Variants in PLSCR1 observed in about 807,000 individuals in gnomAD.
PLSCR1 encodes the protein phospholipid scramblase 1.
In PLSCR1, 17 loss-of-function variants were observed where a neutral mutation model predicts 37.8. The observed-to-expected ratio is 0.45, with a 90% CI of 0.31 to 0.68. The LOEUF (loss-of-function observed/expected upper bound fraction) is 0.68, where lower values mean the gene tolerates loss of function less well. PLSCR1 is among the 30% of genes least tolerant of loss of function. The pLI is 0.06. For synonymous variants in PLSCR1, 116 were observed against 125.9 expected (o/e 0.92, Z 0.53); for missense variants, 347 against 380.9 (o/e 0.91, Z 0.74).
At chr3:146,519,374 A>G (rs1372609561) in intron 7 of PLSCR1, among the ~76,000 whole-genome samples, 1 of 152,134 alleles carries the variant, frequency 6.6e-6, no homozygotes, top group Non-Finnish European at 1.5e-5. Context: ...CTATATTTTG[A>G]GATTCCTGAA....
chr3:146,544,205 G>A (rs1368357109), intron 1 of PLSCR1, among the ~76,000 whole-genome samples: 1 of 152,204 alleles, frequency 6.6e-6, no homozygotes, highest in Non-Finnish European at 1.5e-5. Context: ...GGGTGAGCCC[G>A]GGTGCCGCTG....
Position 146,515,182 on chromosome 3 carries a change from C to T in PLSCR1, c.*863G>A, listed in dbSNP as rs1351072614. The stretch of plus-strand genomic sequence containing the variant: ...CGTTTAAAAACAAAAATCAAATATA[C>T]AAAAAAATCAAGTTTTTATTTCAAA... On this transcript the variant is annotated 3_prime_UTR_variant, in exon 9 of 9. Coordinates refer to ENST00000342435, the MANE Select transcript of PLSCR1 (RefSeq NM_021105.3). 1 of 151,974 alleles carries T rather than the reference C, an allele frequency of 6.6e-6. No homozygotes were observed. Among genetic ancestry groups the T allele is most frequent in the Non-Finnish European group, 1.5e-5 (1 of 67,980 alleles). The allele number at this position is 151,974 out of a possible 1,614,324, so 9.4% of individuals were successfully genotyped here. A position where few individuals can be genotyped will look rare whatever the true frequency, so the allele number is the denominator to read the frequency against.
intron 5 of PLSCR1, among the ~76,000 whole-genome samples, chr3:146,522,744 A>G (rs1283588765): frequency 6.6e-6 from 1 of 152,174 alleles, no homozygotes; most frequent in African/African-American, 2.4e-5. Flanking sequence ...TTGAGATAAG[A>G]GGAAGGTATC....
chr3:146,516,136 A>C, intron 8 of PLSCR1, 35 bp from the exon 9 acceptor site: 1 of 1,333,342 alleles, frequency 7.5e-7, no homozygotes. Flanking sequence ...ATGAATTTTC[A>C]ACAACAAAAC....
rs1560085911 is a variant in PLSCR1 at position 146,528,821 on chromosome 3, T to A, written c.105A>T (p.Gly35=). ...CCTGGGGCCCAGGGTAGCCACTATA[T>A]CCTGGAGGTCCTGAAATACAAACAA... ...YPPTAFQGPP[G]YSGYPGPQVS... is the part of the protein sequence containing the mutation. The change falls in exon 4 of 9, where the codon GGA becomes GGT. Residue 35 remains glycine (G), a synonymous_variant. Transcript: ENST00000342435. 16 of 1,609,720 alleles carry A rather than the reference T, an allele frequency of 9.9e-6. No individual in the cohort carries two copies. Among genetic ancestry groups the A allele is most frequent in the Non-Finnish European group, 1.4e-5 (16 of 1,178,076 alleles).
At chr3:146,518,719 C>T (rs558058699) in intron 7 of PLSCR1, among the ~76,000 whole-genome samples, 1 of 152,174 alleles carries the variant, frequency 6.6e-6, no homozygotes, top group South Asian at 2.1e-4. Flanking sequence ...GTAGAGAATA[C>T]ATTTTTTATG....
intron 1 of PLSCR1, among the ~76,000 whole-genome samples, chr3:146,542,364 C>T (rs920268775): frequency 5.5e-4 from 83 of 152,150 alleles, no homozygotes; most frequent in African/African-American, 2.0e-3. Context: ...CTCAACACCC[C>T]CAACCCCACC....
At chr3:146,526,991 A>C (rs889723468) in intron 4 of PLSCR1, among the ~76,000 whole-genome samples, 2 of 152,144 alleles carry the variant, frequency 1.3e-5, no homozygotes, top group Non-Finnish European at 2.9e-5. Context: ...TACAAAAATG[A>C]GCTGGGTGTG....
chr3:146,541,558 G>A (rs781395890), intron 1 of PLSCR1, among the ~76,000 whole-genome samples: 1 of 152,112 alleles, frequency 6.6e-6, no homozygotes, highest in Non-Finnish European at 1.5e-5. Context: ...TCTTTGCACC[G>A]ATGTCTCTAA....
chr3:146,532,668 C>A (rs2044215208), intron 3 of PLSCR1, among the ~76,000 whole-genome samples: 3 of 152,170 alleles, frequency 2.0e-5, no homozygotes, highest in Admixed American at 6.5e-5. Context: ...TCCTTCTATC[C>A]AAACCACATT....
rs941815840 is a variant in PLSCR1 at position 146,515,629 on chromosome 3, C to T, written c.*416G>A. On this transcript the variant is annotated 3_prime_UTR_variant, in exon 9 of 9. Coordinates refer to ENST00000342435, the MANE Select transcript of PLSCR1 (RefSeq NM_021105.3). ...AATAGTAAAGAAAATTATCTTTGAG[C>T]TTTTTTGAATATATGGCATTTGCAA... is the stretch of plus-strand genomic sequence containing the variant. 1.3e-5 allele frequency: 2 copies of T among 152,620 alleles called. No homozygotes were observed. Among genetic ancestry groups the T allele is most frequent in the East Asian group, 1.9e-4 (1 of 5,216 alleles). The allele number at this position is 152,620 out of a possible 1,614,324, so 9.5% of individuals were successfully genotyped here.
intron 1 of PLSCR1, among the ~76,000 whole-genome samples, chr3:146,543,198 A>T (rs4434119): frequency 0.14 from 22,016 of 152,074 alleles, 1,754 homozygotes; most frequent in Non-Finnish European, 0.16. Context: ...AGAGGGAGAC[A>T]TTCTTAGAGA....
chr3:146,540,553 T>C (rs1320166095), intron 1 of PLSCR1, among the ~76,000 whole-genome samples: 2 of 152,186 alleles, frequency 1.3e-5, no homozygotes, highest in Non-Finnish European at 2.9e-5. Context: ...AGGGGAAGCA[T>C]ACTTAATTTT....
chr3:146,533,405 AC>A (rs1316246984), intron 3 of PLSCR1, 64 bp downstream of exon 3: 1 of 785,888 alleles, frequency 1.3e-6, no homozygotes, highest in African/African-American at 1.7e-5. Flanking sequence ...TCTCTCTCCC[AC>A]TCTCACTCTC....
chr3:146,522,600 A>C (rs2044041337), intron 5 of PLSCR1, among the ~76,000 whole-genome samples: 1 of 152,194 alleles, frequency 6.6e-6, no homozygotes, highest in Non-Finnish European at 1.5e-5. Context: ...GTATTGTCCA[A>C]GGTTTCTCCC....
In PLSCR1 at chr3:146,522,063, T is replaced by G. The variant is rs750696417; in HGVS notation, c.356-10A>C. 7.1e-7 allele frequency: 1 copy of G among 1,416,126 alleles called. No individual in the cohort carries two copies. The highest frequency in any genetic ancestry group is 1.0e-6 in the Non-Finnish European group (1 of 999,386). 87.7% of individuals were successfully genotyped at this position (1,416,126 alleles called of 1,614,324 possible). On this transcript the variant is annotated splice_polypyrimidine_tract_variant and intron_variant, in intron 5 of 8. Coordinates refer to ENST00000342435, the MANE Select transcript of PLSCR1 (RefSeq NM_021105.3). ...TCAAAACCTGTTAAAACTAAAAACA[T>G]AAAAGACGAAATCATAATCACCTCT... is the stretch of plus-strand genomic sequence containing the variant.
intron 2 of PLSCR1, among the ~76,000 whole-genome samples, chr3:146,533,798 G>C (rs946381146): frequency 6.6e-6 from 1 of 152,092 alleles, no homozygotes; most frequent in Non-Finnish European, 1.5e-5. Context: ...TGAATTACCA[G>C]TTTTTGAAAC....
intron 3 of PLSCR1, among the ~76,000 whole-genome samples, chr3:146,529,933 T>G (rs2044173178): frequency 6.6e-6 from 1 of 152,222 alleles, no homozygotes; most frequent in South Asian, 2.1e-4. Flanking sequence ...AATAAAATTC[T>G]ATTATAATAT....
At chr3:146,527,978 A>G (rs1396124746) in intron 4 of PLSCR1, 1 of 152,226 alleles carries the variant, frequency 6.6e-6, no homozygotes, top group African/African-American at 2.4e-5. Flanking sequence ...CATTTATAAA[A>G]TTAGGTCTTC....
Sources: gnomAD v4.1 joint callset for allele counts (sites outside exome capture counted in the v4.1 genomes callset) on GRCh38, gnomAD v4.1.1 for gene constraint, MANE v1.5 for transcripts, NCBI Gene and HGNC (gene_info 2026-07-23, HGNC 2026-07-21) for gene names.